PTPN4: variants seen among roughly 807,000 people sequenced by gnomAD.
PTPN4 encodes the protein protein tyrosine phosphatase non-receptor type 4, also known as tyrosine-protein phosphatase non-receptor type 4.
A neutral mutation model predicts 135.5 loss-of-function variants in PTPN4; 49 were observed. The observed-to-expected ratio is 0.36, with a 90% confidence interval of 0.29 to 0.46. The LOEUF (loss-of-function observed/expected upper bound fraction) is 0.46. Among genes scored for constraint, PTPN4 ranks in the 20% least tolerant of loss-of-function variants. PTPN4 has a pLI of 1.00. For missense variants in PTPN4, 860 were observed against 1,101.0 expected, an observed-to-expected ratio of 0.78 and a Z score of 3.10; for synonymous variants, 333 against 369.9, an observed-to-expected ratio of 0.90 and a Z score of 1.14.
Position 119,965,563 on chromosome 2 carries a change from G to C in PTPN4, c.2476G>C (p.Asp826His). Residue 826 changes from aspartate (D) to histidine (H), a missense_variant, in exon 25 of 27, where the codon GAT (aspartate) becomes CAT (histidine). Physicochemically the swap from Asp to His is moderately conservative, Grantham distance 81. Around this residue, in one of 2 missense-constraint regions of PTPN4, gnomAD observed 176 missense variants for 294.1 expected, o/e 0.60. Transcript: ENST00000263708. ...IAWPDHGVPD[D>H]SSDFLDFVCH... ...CTGGCCTGACCATGGAGTCCCTGATGATTCGAGTGACTTTCTAGATTTTGT... is the reference window on the plus strand; with the variant it reads ...CTGGCCTGACCATGGAGTCCCTGATCATTCGAGTGACTTTCTAGATTTTGT... 6.2e-7 allele frequency: 1 copy of C among 1,613,724 alleles called. No homozygotes were observed. Among genetic ancestry groups the C allele is most frequent in the Non-Finnish European group, 8.5e-7 (1 of 1,179,592 alleles).
chr2:119,910,728 C>T (rs886578288), intron 10 of PTPN4, among the ~76,000 whole-genome samples: 6 of 152,114 alleles, frequency 3.9e-5, no homozygotes, highest in African/African-American at 1.4e-4. Context: ...GCTTGCACTT[C>T]TCCTTCCTGC....
intron 12 of PTPN4, among the ~76,000 whole-genome samples, chr2:119,920,449 G>C (rs1389823914): frequency 6.6e-6 from 1 of 151,980 alleles, no homozygotes; most frequent in Non-Finnish European, 1.5e-5. Context: ...CCAGTTCTGT[G>C]TTCTGTATTT....
At chr2:119,775,249 A>G (rs1690813920) in intron 1 of PTPN4, among the ~76,000 whole-genome samples, 1 of 152,058 alleles carries the variant, frequency 6.6e-6, no homozygotes, top group East Asian at 1.9e-4. Flanking sequence ...GCCCTTATCT[A>G]TAAAGCTGCT....
At chr2:119,973,198 T>C (rs1679562262) in intron 26 of PTPN4, among the ~76,000 whole-genome samples, 2 of 152,258 alleles carry the variant, frequency 1.3e-5, no homozygotes, top group African/African-American at 4.8e-5. Context: ...TAACCACCAT[T>C]CTACTTTCTG....
Position 119,957,090 on chromosome 2 carries a change from T to A in PTPN4, c.2133+13T>A, listed in dbSNP as rs1323360861. On this transcript the variant is annotated intron_variant, in intron 22 of 26. Transcript: ENST00000263708. Reference sequence around the variant, plus strand: ...GAACTATATAAATGTAAGTTTATTCTTATTATGCCTTTGCCATTTGGAAAA... The same window carrying A: ...GAACTATATAAATGTAAGTTTATTCATATTATGCCTTTGCCATTTGGAAAA... 1 of 1,589,642 alleles carries A rather than the reference T, an allele frequency of 6.3e-7. No individual in the cohort carries two copies. The highest frequency in any genetic ancestry group is 8.6e-7 in the Non-Finnish European group (1 of 1,168,952).
intron 19 of PTPN4, among the ~76,000 whole-genome samples, chr2:119,954,460 T>TG: frequency 6.6e-6 from 1 of 152,206 alleles, no homozygotes; most frequent in Non-Finnish European, 1.5e-5. Context: ...TCTCTCAAGG[T>TG]GGGTTCACAT....
chr2:119,803,096 T>C (rs939727948), intron 1 of PTPN4, among the ~76,000 whole-genome samples: 6 of 152,320 alleles, frequency 3.9e-5, no homozygotes, highest in Admixed American at 1.3e-4. Context: ...TTAGCCTTGC[T>C]AGAGGTTTAT....
chr2:119,923,889 G>C (rs1398538759), intron 12 of PTPN4, among the ~76,000 whole-genome samples: 1 of 152,080 alleles, frequency 6.6e-6, no homozygotes, highest in Non-Finnish European at 1.5e-5. Flanking sequence ...TGTAATCCCA[G>C]CACTTTGGGA....
chr2:119,791,079 A>AAC (rs1177884874), intron 1 of PTPN4: 1 of 152,174 alleles, frequency 6.6e-6, no homozygotes, highest in East Asian at 1.9e-4. Context: ...AAGAGTTACA[A>AAC]ACACAAAATG....
intron 3 of PTPN4, among the ~76,000 whole-genome samples, chr2:119,873,497 T>G (rs529486231): frequency 6.6e-6 from 1 of 152,234 alleles, no homozygotes; most frequent in South Asian, 2.1e-4. Context: ...AAACAAGAGA[T>G]TCTTCCCAGG....
chr2:119,835,799 G>C (rs1002859946), intron 2 of PTPN4, among the ~76,000 whole-genome samples: 1 of 152,082 alleles, frequency 6.6e-6, no homozygotes, highest in Non-Finnish European at 1.5e-5. Context: ...GCCGGGCATG[G>C]TGGCTCACAC....
chr2:119,977,514 T>A lies in PTPN4; in HGVS notation c.*444T>A, dbSNP rs530065621. On this transcript the variant is annotated 3_prime_UTR_variant, in exon 27 of 27. Transcript: ENST00000263708. ...TATACTGATTACCAGATTTTATTTT[T>A]AAAATTTTAGCAATATCGTTCTTAA... 3.9e-5 allele frequency: 6 copies of A among 153,322 alleles called. No individual in the cohort carries two copies. In the Admixed American group the frequency reaches 3.9e-4, roughly 10 times the overall value. The allele number at this position is 153,322 out of a possible 1,614,324, so 9.5% of individuals were successfully genotyped here.
At chr2:119,775,835 ATCTATATATC>A (rs752566181) in intron 1 of PTPN4, among the ~76,000 whole-genome samples, 4 of 151,916 alleles carry the variant, frequency 2.6e-5, no homozygotes, top group African/African-American at 9.7e-5. Flanking sequence ...CTATATCTAT[ATCTATATATC>A]TATCTATATA....
At chr2:119,784,679 G>A (rs1006809065) in intron 1 of PTPN4, among the ~76,000 whole-genome samples, 1 of 149,276 alleles carries the variant, frequency 6.7e-6, no homozygotes, top group Non-Finnish European at 1.5e-5. Context: ...GAGCTACTGC[G>A]CCCAGCTGCC....
intron 1 of PTPN4, among the ~76,000 whole-genome samples, chr2:119,794,896 C>T (rs1243670523): frequency 6.6e-6 from 1 of 152,184 alleles, no homozygotes; most frequent in East Asian, 1.9e-4. Context: ...CAGAGCAGCT[C>T]AGAGGAGACC....
intron 18 of PTPN4, among the ~76,000 whole-genome samples, chr2:119,946,951 A>T (rs933489027): frequency 2.0e-5 from 3 of 152,100 alleles, no homozygotes; most frequent in African/African-American, 7.2e-5. Context: ...CTCCTTTAAA[A>T]TTTTACTTTA....
intron 22 of PTPN4, 42 bp downstream of exon 22, chr2:119,957,119 C>T (rs202188293): frequency 3.3e-5 from 50 of 1,505,020 alleles, no homozygotes; most frequent in East Asian, 4.7e-5. Context: ...TGGAAAAATA[C>T]GAGCCACTAT....
intron 1 of PTPN4, among the ~76,000 whole-genome samples, chr2:119,768,823 G>C (rs1690684800): frequency 6.6e-6 from 1 of 152,158 alleles, no homozygotes. Context: ...AATCAGGACA[G>C]AAATTTGTTA....
Position 119,962,742 on chromosome 2 carries a change from G to A in PTPN4, c.2407G>A (p.Glu803Lys). 6.4e-7 allele frequency: 1 copy of A among 1,574,166 alleles called. No homozygotes were observed. The highest frequency in any genetic ancestry group is 8.7e-7 in the Non-Finnish European group (1 of 1,154,382). ...CAGGAAGATGACCCTATTTAACCAA[G>A]AGGTAAGAAGGCAGGATATCTGTTC... ...IFRKMTLFNQEKNESRPLTQI... is the reference protein window; with the variant it reads ...IFRKMTLFNQKKNESRPLTQI... The change falls in exon 24 of 27, where the codon GAG becomes AAG. Residue 803 changes from glutamate to lysine, a missense_variant and splice_region_variant. Around this residue, in one of 2 missense-constraint regions of PTPN4, gnomAD observed 176 missense variants for 294.1 expected, o/e 0.60. Transcript: ENST00000263708.
Sources: gnomAD v4.1 joint callset for allele counts (sites outside exome capture counted in the v4.1 genomes callset) on GRCh38, gnomAD v4.1.1 for gene constraint, gnomAD v4.1.1 regional missense constraint, MANE v1.5 for transcripts, NCBI Gene and HGNC (gene_info 2026-07-23, HGNC 2026-07-21) for gene names.